The following PARD3B variants were observed in gnomAD, a reference collection of about 807,000 sequenced individuals.
PARD3B encodes the protein par-3 family cell polarity regulator beta, also known as partitioning defective 3 homolog B.
A neutral mutation model predicts 130.2 loss-of-function variants in PARD3B; 103 were observed. The observed-to-expected ratio is 0.79, with a 90% CI of 0.67 to 0.93. The LOEUF (loss-of-function observed/expected upper bound fraction) is 0.93. Ranked by LOEUF, PARD3B falls within the 40% of genes least tolerant of loss-of-function variation. The pLI is 0.00. For missense variants in PARD3B, 1,609 were observed against 1,499.2 expected (o/e 1.07, Z -1.21); for synonymous variants, 583 against 553.2 (o/e 1.05, Z -0.76).
intron 21 of PARD3B, among the ~76,000 whole-genome samples, chr2:205,521,552 AT>A (rs201154538): frequency 3.5e-5 from 4 of 113,090 alleles, no homozygotes; most frequent in African/African-American, 1.3e-4. Context: ...TGATTATATG[AT>A]TTTTTTTCTT....
chr2:205,498,832 C>T (rs2050043910), intron 20 of PARD3B, among the ~76,000 whole-genome samples: 1 of 152,162 alleles, frequency 6.6e-6, no homozygotes, highest in East Asian at 1.9e-4. Context: ...TCTTCAATGG[C>T]CCTGCTCTCA....
rs1210211262 is a variant in PARD3B at position 204,967,701 on chromosome 2, C to G, written c.394+2378C>G. Among the ~76,000 whole-genome samples, 4 of 152,146 alleles carry G rather than the reference C, an allele frequency of 2.6e-5. No homozygotes were observed. The South Asian group carries it at 6.2e-4, about 24-fold the overall frequency. On this transcript the variant is annotated intron_variant, in intron 3 of 22. Coordinates refer to ENST00000406610, the MANE Select transcript of PARD3B (RefSeq NM_001302769.2). This position sits in a 1 kb window ranked among gnomAD's most constrained non-coding sequence, Gnocchi z 4.4. ...CATATTTGTCAGGTTTTTCAGATAGCGAAGTTAAAGAAGGAAGCAACACAG... is the reference window on the plus strand; with the variant it reads ...CATATTTGTCAGGTTTTTCAGATAGGGAAGTTAAAGAAGGAAGCAACACAG...
rs1184931341 is a variant in PARD3B at position 205,562,388 on chromosome 2, A to C, written c.3260+8985A>C. Among the ~76,000 whole-genome samples, 2 of 152,234 alleles carry C rather than the reference A, an allele frequency of 1.3e-5. No homozygotes were observed. The highest frequency in any genetic ancestry group is 2.4e-5 in the African/African-American group (1 of 41,466). ...AACTGAATCTTGATGAACCACATAC[A>C]TTAAATTCTATAGGTTTTTTACTTT... On this transcript the variant is annotated intron_variant, in intron 22 of 22. Transcript: ENST00000406610. This position sits in a 1 kb window ranked among gnomAD's most constrained non-coding sequence, Gnocchi z 5.4.
At chr2:205,172,125 T>G (rs973981069) in intron 11 of PARD3B, 86 bp from the exon 12 acceptor site, 1 of 1,377,558 alleles carries the variant, frequency 7.3e-7, no homozygotes, top group Non-Finnish European at 9.9e-7. Flanking sequence ...TTTTTTCATT[T>G]TTAAACTTGA....
intron 3 of PARD3B, among the ~76,000 whole-genome samples, chr2:205,023,108 T>C (rs960209760): frequency 6.6e-6 from 1 of 152,178 alleles, no homozygotes; most frequent in Non-Finnish European, 1.5e-5. Context: ...ATGCCAAATC[T>C]TGGTGCAGTG....
chr2:205,194,040 C>T (rs1259301079), intron 15 of PARD3B, among the ~76,000 whole-genome samples: 2 of 152,154 alleles, frequency 1.3e-5, no homozygotes, highest in Non-Finnish European at 2.9e-5. Context: ...GCATCACTGC[C>T]CTCCCATGGG....
intron 20 of PARD3B, among the ~76,000 whole-genome samples, chr2:205,484,996 C>T (rs1353506529): frequency 1.3e-5 from 2 of 152,152 alleles, no homozygotes; most frequent in African/African-American, 4.8e-5. Context: ...ACAACTCATT[C>T]ACTGTTCAGA....
intron 4 of PARD3B, among the ~76,000 whole-genome samples, chr2:205,069,707 C>A (rs1700607141): frequency 6.6e-6 from 1 of 152,094 alleles, no homozygotes; most frequent in African/African-American, 2.4e-5. Flanking sequence ...AGAGCCCTCA[C>A]CCTTCACCCT....
intron 4 of PARD3B, among the ~76,000 whole-genome samples, chr2:205,063,490 A>T (rs1212957103): frequency 1.3e-5 from 2 of 152,174 alleles, no homozygotes; most frequent in Non-Finnish European, 2.9e-5. Context: ...TTCAGGTCAC[A>T]GGAGGCAACC....
intron 2 of PARD3B, among the ~76,000 whole-genome samples, chr2:204,710,895 C>G (rs1017733951): frequency 6.6e-6 from 1 of 152,204 alleles, no homozygotes; most frequent in Non-Finnish European, 1.5e-5. Context: ...CTCTGAACTG[C>G]TGGTCTAAAA....
chr2:205,555,873 C>T (rs1039814796), intron 22 of PARD3B, among the ~76,000 whole-genome samples: 1 of 152,088 alleles, frequency 6.6e-6, no homozygotes, highest in African/African-American at 2.4e-5. Context: ...TGCAAAGCTC[C>T]CTCCCAGGCA....
chr2:204,966,125 A>C (rs1026687185), intron 3 of PARD3B, among the ~76,000 whole-genome samples: 3 of 152,198 alleles, frequency 2.0e-5, no homozygotes, highest in Non-Finnish European at 4.4e-5. Flanking sequence ...TCAGCTTCTT[A>C]TTCTTTTTAA....
At chr2:205,561,188 G>A (rs2053120604) in intron 22 of PARD3B, among the ~76,000 whole-genome samples, 1 of 152,072 alleles carries the variant, frequency 6.6e-6, no homozygotes, top group Non-Finnish European at 1.5e-5. Context: ...GATTTCTCTT[G>A]TTCTCTTCTA....
intron 16 of PARD3B, among the ~76,000 whole-genome samples, chr2:205,284,062 A>T (rs1261655925): frequency 6.6e-6 from 1 of 152,250 alleles, no homozygotes; most frequent in Non-Finnish European, 1.5e-5. Context: ...AAGAAAGCAG[A>T]TTATTCTAGT....
chr2:205,462,186 A>C (rs2048474421), intron 20 of PARD3B, among the ~76,000 whole-genome samples: 1 of 152,222 alleles, frequency 6.6e-6, no homozygotes, highest in Admixed American at 6.5e-5. Flanking sequence ...AATTATTGTC[A>C]TTCTCTTGGA....
Position 205,125,714 on chromosome 2 carries a change from G to C in PARD3B, c.1411G>C (p.Gly471Arg), listed in dbSNP as rs775963927. 9.9e-6 allele frequency: 16 copies of C among 1,613,996 alleles called. No homozygotes were observed. Among genetic ancestry groups the C allele is most frequent in the Middle Eastern group, 1.6e-4 (1 of 6,084 alleles). The change falls in exon 10 of 23, where the codon GGA (glycine) becomes CGA (arginine). Residue 471 changes from glycine (G) to arginine (R), a missense_variant. Physicochemically the swap from Gly to Arg is moderately radical, Grantham distance 125 (BLOSUM62 -2). Transcript: ENST00000406610. The surrounding 1 kb of genome is among the most constrained non-coding windows in gnomAD (Gnocchi z 4.0). ...TASLVIARQE[G>R]HFLPRELKGE... ...ATCGCTGGTCATTGCCCGCCAAGAA[G>C]GACATTTTCTGCCCCGAGAGTTGGT...
chr2:205,351,655 G>A lies in PARD3B; in HGVS notation c.2631-49358G>A, dbSNP rs1444858365. ...CACAGGAGCCACTGCCTTGGAAATT[G>A]GAGGCAGTTATTTCATTTCCGGTGA... On this transcript the variant is annotated intron_variant, in intron 18 of 22. Coordinates refer to ENST00000406610, the MANE Select transcript of PARD3B (RefSeq NM_001302769.2). The surrounding 1 kb of genome is among the most constrained non-coding windows in gnomAD (Gnocchi z 4.2). Among the ~76,000 whole-genome samples, 1 of 152,184 alleles carries A rather than the reference G, an allele frequency of 6.6e-6. No homozygotes were observed. Among genetic ancestry groups the A allele is most frequent in the Non-Finnish European group, 1.5e-5 (1 of 68,034 alleles).
intron 2 of PARD3B, among the ~76,000 whole-genome samples, chr2:204,735,995 A>C (rs2039731109): frequency 6.6e-6 from 1 of 152,190 alleles, no homozygotes; most frequent in Non-Finnish European, 1.5e-5. Context: ...TTCTCTGGGA[A>C]AGATAGCTCT....
intron 2 of PARD3B, among the ~76,000 whole-genome samples, chr2:204,719,545 A>G (rs2038898588): frequency 6.6e-6 from 1 of 152,232 alleles, no homozygotes; most frequent in Non-Finnish European, 1.5e-5. Context: ...TGCTGAAAAT[A>G]TGCTGATTCT....
Sources: allele counts gnomAD v4.1 joint callset (sites outside exome capture counted in the v4.1 genomes callset), GRCh38; gene constraint gnomAD v4.1.1; non-coding constraint Gnocchi (gnomAD v3.1); transcripts MANE v1.5; gene names NCBI Gene and HGNC (gene_info 2026-07-23, HGNC 2026-07-21).